Variants in BRINP3 observed in about 807,000 individuals in gnomAD.
BRINP3 encodes BMP/retinoic acid inducible neural specific 3.
A neutral mutation model predicts 71.0 loss-of-function variants in BRINP3; 19 were observed. The ratio of observed to expected loss-of-function variants is 0.27; its 90% CI spans 0.19 to 0.39. The LOEUF is 0.39. Ranked by LOEUF, BRINP3 falls within the 10% of genes least tolerant of loss-of-function variation. The pLI is 1.00. For synonymous variants in BRINP3, 380 were observed against 337.7 expected, an observed-to-expected ratio of 1.13 and a Z score of -1.37; for missense variants, 959 against 940.8, an observed-to-expected ratio of 1.02 and a Z score of -0.25.
At chr1:190,387,056 C>T (rs1670957540) in intron 2 of BRINP3, among the ~76,000 whole-genome samples, 1 of 151,878 alleles carries the variant, frequency 6.6e-6, no homozygotes, top group African/African-American at 2.4e-5. Flanking sequence ...TTCATCTCTT[C>T]TGATCATTGT....
intron 6 of BRINP3, among the ~76,000 whole-genome samples, chr1:190,208,468 C>T (rs1026753199): frequency 2.6e-5 from 4 of 151,742 alleles, no homozygotes; most frequent in Non-Finnish European, 4.4e-5. Flanking sequence ...GAACCATGTA[C>T]TTTATTTATT....
intron 2 of BRINP3, among the ~76,000 whole-genome samples, chr1:190,414,288 T>A (rs1220242911): frequency 6.6e-6 from 1 of 152,142 alleles, no homozygotes. Context: ...GGTGCAGTTT[T>A]TTTTAAATTT....
chr1:190,298,755 C>T (rs986331110), intron 2 of BRINP3, among the ~76,000 whole-genome samples: 1 of 151,980 alleles, frequency 6.6e-6, no homozygotes, highest in Non-Finnish European at 1.5e-5. Flanking sequence ...TTTCATGTGA[C>T]CCGGGGGCCC....
intron 6 of BRINP3, among the ~76,000 whole-genome samples, chr1:190,202,489 T>C (rs188418170): frequency 1.3e-5 from 2 of 152,216 alleles, no homozygotes; most frequent in East Asian, 1.9e-4. Flanking sequence ...TGGGAAGGCA[T>C]GATTGGTTTT....
At chr1:190,227,094 CT>C (rs1657460542) in intron 5 of BRINP3, among the ~76,000 whole-genome samples, 1 of 151,748 alleles carries the variant, frequency 6.6e-6, no homozygotes, top group African/African-American at 2.4e-5. Context: ...TGTCTGGCTA[CT>C]TAAGAATACT....
intron 7 of BRINP3, among the ~76,000 whole-genome samples, chr1:190,118,230 G>A (rs1178379073): frequency 6.6e-6 from 1 of 151,866 alleles, no homozygotes; most frequent in East Asian, 1.9e-4. Flanking sequence ...TTTAAATAGA[G>A]GTAAGAAAAT....
chr1:190,461,231 C>G (rs544489251), intron 1 of BRINP3, among the ~76,000 whole-genome samples: 42 of 152,266 alleles, frequency 2.8e-4, no homozygotes, highest in Middle Eastern at 3.4e-3. Context: ...CAAACACCAA[C>G]TTTGTTTTTC....
At chr1:190,306,881 T>C (rs1665139422) in intron 2 of BRINP3, among the ~76,000 whole-genome samples, 1 of 152,036 alleles carries the variant, frequency 6.6e-6, no homozygotes, top group Admixed American at 6.6e-5. Context: ...AAAGATACTA[T>C]TGTAAAACAA....
rs1463226785 is a variant in BRINP3 at position 190,408,269 on chromosome 1, C to T, written c.236+46386G>A. 5.9e-5 allele frequency among the ~76,000 whole-genome samples: 9 copies of T among 151,674 alleles called. No homozygotes were observed. In the East Asian group the frequency reaches 1.2e-3, roughly 20 times the overall value. ...CCGTGTTAGCCAGGATGGTCTCGAT[C>T]TCCTGACCTTGAGATCCGCCCACCT... On this transcript the variant is annotated intron_variant, in intron 2 of 7. Coordinates refer to ENST00000367462, the MANE Select transcript of BRINP3 (RefSeq NM_199051.3).
chr1:190,122,988 C>T (rs973145684), intron 7 of BRINP3, among the ~76,000 whole-genome samples: 1 of 141,418 alleles, frequency 7.1e-6, no homozygotes, highest in Non-Finnish European at 1.5e-5. Context: ...TCTGTTGGGA[C>T]AGACAGTTGC....
chr1:190,474,232 C>A (rs1210497744), intron 1 of BRINP3, among the ~76,000 whole-genome samples: 2 of 152,166 alleles, frequency 1.3e-5, no homozygotes, highest in Non-Finnish European at 2.9e-5. Context: ...TAAATTAATG[C>A]ATGTTAAACA....
At chr1:190,194,193 T>C (rs941545486) in intron 6 of BRINP3, among the ~76,000 whole-genome samples, 4 of 152,022 alleles carry the variant, frequency 2.6e-5, no homozygotes, top group Admixed American at 2.0e-4. Flanking sequence ...AGACGCAACA[T>C]GACCCCAAAG....
chr1:190,272,371 G>C (rs1019633420), intron 3 of BRINP3, among the ~76,000 whole-genome samples: 1 of 151,414 alleles, frequency 6.6e-6, no homozygotes, highest in African/African-American at 2.4e-5. Context: ...CCTAGTAATA[G>C]CACATCATCT....
At chr1:190,109,270 T>C (rs1316847638) in intron 7 of BRINP3, among the ~76,000 whole-genome samples, 1 of 152,192 alleles carries the variant, frequency 6.6e-6, no homozygotes, top group East Asian at 1.9e-4. Context: ...TTACATATGA[T>C]ATGTAGATTA....
chr1:190,120,864 G>T (rs1250334613), intron 7 of BRINP3, among the ~76,000 whole-genome samples: 1 of 151,936 alleles, frequency 6.6e-6, no homozygotes, highest in African/African-American at 2.4e-5. Flanking sequence ...ACTAAAGAGA[G>T]AATCTTTTAA....
At chr1:190,141,354 A>G (rs891504126) in intron 7 of BRINP3, among the ~76,000 whole-genome samples, 2 of 151,984 alleles carry the variant, frequency 1.3e-5, no homozygotes, top group Admixed American at 1.3e-4. Flanking sequence ...AGATAATTTT[A>G]TGCCTGGAAT....
At chr1:190,276,810 TA>T (rs1322856229) in intron 3 of BRINP3, among the ~76,000 whole-genome samples, 1 of 151,036 alleles carries the variant, frequency 6.6e-6, no homozygotes, top group African/African-American at 2.4e-5. Context: ...ATTAAATATC[TA>T]AAAAATGCTT....
At chr1:190,423,534 A>G (rs1673513594) in intron 2 of BRINP3, among the ~76,000 whole-genome samples, 1 of 151,768 alleles carries the variant, frequency 6.6e-6, no homozygotes, top group Non-Finnish European at 1.5e-5. Flanking sequence ...GCCAAACATT[A>G]TTTTACCTTT....
intron 6 of BRINP3, among the ~76,000 whole-genome samples, chr1:190,204,096 A>G (rs1259063205): frequency 1.3e-5 from 2 of 151,758 alleles, no homozygotes; most frequent in African/African-American, 4.8e-5. Flanking sequence ...TTCAAATAAA[A>G]GGCAAAGTAA....
Sources: allele counts gnomAD v4.1 joint callset (sites outside exome capture counted in the v4.1 genomes callset), GRCh38; gene constraint gnomAD v4.1.1; transcripts MANE v1.5; gene names NCBI Gene and HGNC (gene_info 2026-07-23, HGNC 2026-07-21).